Variants in PACRG observed in about 807,000 individuals in gnomAD.
PACRG encodes parkin coregulated.
A neutral mutation model predicts 29.7 loss-of-function variants in PACRG; 29 were observed. The ratio of observed to expected loss-of-function variants is 0.98; its 90% CI spans 0.73 to 1.33. The LOEUF is 1.33. Among genes scored for constraint, PACRG ranks in the 40% most tolerant of loss-of-function variants. The pLI is 0.00. For synonymous variants in PACRG, 116 were observed against 118.7 expected, an observed-to-expected ratio of 0.98 and a Z score of 0.15; for missense variants, 279 against 316.2, an observed-to-expected ratio of 0.88 and a Z score of 0.89.
At chr6:162,965,816 T>G (rs1800976247) in intron 2 of PACRG, among the ~76,000 whole-genome samples, 1 of 152,232 alleles carries the variant, frequency 6.6e-6, no homozygotes, top group Admixed American at 6.5e-5. Context: ...AAGTGAGTTT[T>G]CACCCACTGA....
intron 2 of PACRG, among the ~76,000 whole-genome samples, chr6:162,818,922 C>G (rs1584450671): frequency 6.6e-6 from 1 of 152,104 alleles, no homozygotes; most frequent in Admixed American, 6.5e-5. Context: ...ATGCATGCAA[C>G]AAAATCACAA....
chr6:163,165,902 G>A (rs184778444), intron 4 of PACRG: 2 of 357,458 alleles, frequency 5.6e-6, no homozygotes, highest in East Asian at 7.5e-5. Context: ...GGGCTTCATT[G>A]CATCTAAGGC....
intron 2 of PACRG, among the ~76,000 whole-genome samples, chr6:162,954,765 G>C (rs1462639837): frequency 6.6e-6 from 1 of 152,208 alleles, no homozygotes; most frequent in Non-Finnish European, 1.5e-5. Flanking sequence ...AAAAGAGTAA[G>C]CAAATAAATG....
At chr6:162,901,425 G>T (rs535403464) in intron 2 of PACRG, among the ~76,000 whole-genome samples, 1 of 152,294 alleles carries the variant, frequency 6.6e-6, no homozygotes, top group African/African-American at 2.4e-5. Flanking sequence ...AATCCTGATT[G>T]TCTCTTAGAA....
chr6:163,307,760 C>A (rs1230877379), intron 4 of PACRG, among the ~76,000 whole-genome samples: 2 of 152,160 alleles, frequency 1.3e-5, no homozygotes, highest in Non-Finnish European at 2.9e-5. Context: ...GTGAAAGAAG[C>A]ATTTCTTTAG....
intron 1 of PACRG, among the ~76,000 whole-genome samples, chr6:162,746,485 T>C (rs1780994237): frequency 6.6e-6 from 1 of 152,228 alleles, no homozygotes; most frequent in South Asian, 2.1e-4. Context: ...CCTCTGTTTA[T>C]GGTTTATTTC....
chr6:162,787,578 G>C lies in PACRG; in HGVS notation c.157-26569G>C, dbSNP rs1331120969. On this transcript the variant is annotated intron_variant, in intron 1 of 4. Coordinates refer to ENST00000366888, the MANE Select transcript of PACRG (RefSeq NM_001080379.2). ...GGTTATTGTGTGTGTGTGTGTGTGTGTGTGTATATATATATATATATATAT... is the reference window on the plus strand; with the variant it reads ...GGTTATTGTGTGTGTGTGTGTGTGTCTGTGTATATATATATATATATATAT... Among the ~76,000 whole-genome samples, 199 of 51,428 alleles carry C rather than the reference G, an allele frequency of 3.9e-3. 3 individuals are homozygous for C. Among genetic ancestry groups the C allele is most frequent in the African/African-American group, 0.018 (177 of 9,692 alleles). 33.7% of individuals were successfully genotyped at this position (51,428 alleles called of 152,430 possible). A position where few individuals can be genotyped will look rare whatever the true frequency, so the allele number is the denominator to read the frequency against.
At chr6:162,933,587 A>G (rs1324850332) in intron 2 of PACRG, among the ~76,000 whole-genome samples, 1 of 144,922 alleles carries the variant, frequency 6.9e-6, no homozygotes, top group Non-Finnish European at 1.5e-5. Flanking sequence ...TCAGTATATA[A>G]TGACTTTCTG....
intron 2 of PACRG, among the ~76,000 whole-genome samples, chr6:162,944,205 C>A (rs1798837185): frequency 6.6e-6 from 1 of 152,186 alleles, no homozygotes; most frequent in Admixed American, 6.5e-5. Flanking sequence ...ATTACAGATA[C>A]CACTGATGCT....
At chr6:163,172,123 T>G (rs1376587132) in intron 4 of PACRG, among the ~76,000 whole-genome samples, 1 of 152,202 alleles carries the variant, frequency 6.6e-6, no homozygotes, top group Non-Finnish European at 1.5e-5. Flanking sequence ...CTTCTACATT[T>G]TATTAAGCTG....
intron 2 of PACRG, among the ~76,000 whole-genome samples, chr6:162,961,339 A>G (rs529521641): frequency 6.6e-6 from 1 of 152,258 alleles, no homozygotes; most frequent in Non-Finnish European, 1.5e-5. Context: ...ACTGCAAAGT[A>G]TCCAGCCTCA....
chr6:162,896,083 T>G (rs1390034652), intron 2 of PACRG, among the ~76,000 whole-genome samples: 1 of 152,166 alleles, frequency 6.6e-6, no homozygotes, highest in Non-Finnish European at 1.5e-5. Context: ...GGATTGACCA[T>G]GAAGCCGAAA....
chr6:162,921,978 C>T (rs1797096842), intron 2 of PACRG, among the ~76,000 whole-genome samples: 1 of 152,012 alleles, frequency 6.6e-6, no homozygotes, highest in South Asian at 2.1e-4. Flanking sequence ...TGAAGTTCGC[C>T]GCTGTCTTAA....
At chr6:163,068,531 A>G (rs1361745505) in intron 3 of PACRG, among the ~76,000 whole-genome samples, 1 of 150,244 alleles carries the variant, frequency 6.7e-6, no homozygotes, top group Non-Finnish European at 1.5e-5. Flanking sequence ...TTAGAGACCT[A>G]TGTCTTTCTG....
At chr6:162,732,005 GAGACCACCAGGGTCAAATACCTGCCCTCA>G (rs1365401316) in intron 1 of PACRG, among the ~76,000 whole-genome samples, 2 of 152,076 alleles carry the variant, frequency 1.3e-5, no homozygotes, top group African/African-American at 4.8e-5. Context: ...AGGGGGGCTC[GAGACCACCAGGGTCAAATACCTGCCCTCA>G]AGAAGGAGGA....
intron 2 of PACRG, among the ~76,000 whole-genome samples, chr6:162,955,548 C>G (rs866431140): frequency 8.5e-5 from 13 of 152,202 alleles, no homozygotes; most frequent in African/African-American, 3.1e-4. Context: ...ATCCACCCAC[C>G]TTGGCCTCCC....
intron 2 of PACRG, among the ~76,000 whole-genome samples, chr6:162,895,185 G>A (rs764447963): frequency 1.0e-4 from 15 of 148,680 alleles, no homozygotes; most frequent in Non-Finnish European, 1.8e-4. Context: ...AGGGAAGATG[G>A]CTTGAGCCCA....
intron 1 of PACRG, among the ~76,000 whole-genome samples, chr6:162,794,771 C>T (rs1342798677): frequency 6.6e-6 from 1 of 152,136 alleles, no homozygotes; most frequent in African/African-American, 2.4e-5. Flanking sequence ...TATTGAACAC[C>T]TGTTCTGTAC....
At position 163,307,902 on chromosome 6, in the gene PACRG, C is replaced by T. The variant is rs138594893; in HGVS notation, c.614-6925C>T. The stretch of plus-strand genomic sequence containing the variant: ...TTTCTTTTCTTTCTCACTCCTTCAC[C>T]TCCAGAAAAGACCAGATTGGAATTC... On this transcript the variant is annotated intron_variant, in intron 4 of 4. Transcript: ENST00000366888. Among the ~76,000 whole-genome samples the T allele has an allele frequency of 1.1e-3, 170 of 152,296 alleles. 1 individual carries two copies. The East Asian group carries it at 0.026, about 23-fold the overall frequency.
Sources: gnomAD v4.1 joint callset for allele counts (sites outside exome capture counted in the v4.1 genomes callset) on GRCh38, gnomAD v4.1.1 for gene constraint, MANE v1.5 for transcripts, NCBI Gene and HGNC (gene_info 2026-07-23, HGNC 2026-07-21) for gene names.